CLUH: variants seen among roughly 807,000 people sequenced by gnomAD.
The protein encoded by CLUH is CLUH binding protein of NUMT mRNA.
CLUH carries 77 observed loss-of-function variants against 139.3 expected under a neutral mutation model. The observed-to-expected ratio is 0.55, with a 90% CI of 0.46 to 0.67. CLUH has a LOEUF of 0.67. Ranked by LOEUF, CLUH falls within the 30% of genes least tolerant of loss-of-function variation. CLUH has a pLI of 0.00. For synonymous variants in CLUH, 999 were observed against 801.6 expected (o/e 1.25, Z -4.16); for missense variants, 1,876 against 1,875.8 (o/e 1.00, Z 0.00).
chr17:2,700,987 C>A, intron 7 of CLUH, 153 bp downstream of exon 7: 2 of 1,456,328 alleles, frequency 1.4e-6, no homozygotes, highest in East Asian at 2.4e-5. Context: ...CGGCTGCTGT[C>A]TCGGCACTGG....
At chr17:2,710,735 CCA>C (rs1263593462) in intron 1 of CLUH, among the ~76,000 whole-genome samples, 2 of 152,126 alleles carry the variant, frequency 1.3e-5, no homozygotes, top group Non-Finnish European at 2.9e-5. Flanking sequence ...GCAGCCACTG[CCA>C]CAGTCACCAC....
rs1187721157 is a variant in CLUH, at chr17:2,691,959, A to ACGCCCCCGCCCCGCCCC, written c.3654+28_3654+44dup. Reference sequence around the variant, plus strand: ...CCCGCGGCCCCGCCCCCGCCCCGCCACGCCCCCGCCCCGCCCCCGCCCCCG... The same window carrying ACGCCCCCGCCCCGCCCC: ...CCCGCGGCCCCGCCCCCGCCCCGCCACGCCCCCGCCCCGCCCCCGCCCCCGCCCCGCCCCCGCCCCCG... On this transcript the variant is annotated intron_variant, in intron 23 of 25. Coordinates refer to ENST00000651024, the MANE Select transcript of CLUH (RefSeq NM_001366661.1). 3.1e-4 allele frequency: 118 copies of ACGCCCCCGCCCCGCCCC among 380,158 alleles called. 1 individual carries two copies. In the African/African-American group the frequency reaches 6.1e-3, roughly 20 times the overall value. The allele number at this position is 380,158 out of a possible 1,614,324, so 23.5% of individuals were successfully genotyped here.
At position 2,691,698 on chromosome 17, in the gene CLUH, A is replaced by G; in HGVS notation, c.3790-16T>C. On this transcript the variant is annotated splice_polypyrimidine_tract_variant and intron_variant, in intron 24 of 25. Coordinates refer to ENST00000651024, the MANE Select transcript of CLUH (RefSeq NM_001366661.1). ...GGGCCGTGAACTGCGGGGCGGGGAA[A>G]CCAGCGGTGAGCGGGGCTCCCGCGC... The G allele has an allele frequency of 5.0e-6, 8 of 1,610,606 alleles. No homozygotes were observed. The highest frequency in any genetic ancestry group is 6.8e-6 in the Non-Finnish European group (8 of 1,178,534).
chr17:2,697,419 C>T lies in CLUH; in HGVS notation c.1961+477G>A, dbSNP rs565751103. On this transcript the variant is annotated intron_variant, in intron 10 of 25. Coordinates refer to ENST00000651024, the MANE Select transcript of CLUH (RefSeq NM_001366661.1). ...CGTCTCAGAAAAAAAAAAAAAAAGG[C>T]AGCTGCGTTCTGGAGGGTATGGGAA... Among the ~76,000 whole-genome samples the T allele has an allele frequency of 2.9e-3, 427 of 146,492 alleles. 4 individuals carry two copies. The highest frequency in any genetic ancestry group is 6.6e-3 in the South Asian group (31 of 4,732).
At chr17:2,697,315 C>T (rs1428909398) in intron 10 of CLUH, among the ~76,000 whole-genome samples, 1 of 151,690 alleles carries the variant, frequency 6.6e-6, no homozygotes, top group Non-Finnish European at 1.5e-5. Context: ...AGGAGAATCA[C>T]TTGAACCCGG....
rs374750194 is a variant in CLUH at position 2,700,810 on chromosome 17, C to T, written c.1041G>A (p.Pro347=). 74 of 1,526,166 alleles carry T rather than the reference C, an allele frequency of 4.8e-5. 1 individual carries two copies. The highest frequency in any genetic ancestry group is 3.4e-4 in the East Asian group (15 of 44,244). The allele number at this position is 1,526,166 out of a possible 1,614,324, so 94.5% of individuals were successfully genotyped here. ...GGAATGGGGTGGCGATCCTCTCGAA[C>T]GGGTGGCGCTGGACCCTGTGGCAGG... is the stretch of plus-strand genomic sequence containing the variant. ...VLQKKRVQRH[P]FERIATPFQV... is the part of the protein sequence containing the mutation. The change falls in exon 8 of 26, where the codon CCG becomes CCA. Residue 347 remains proline (P), a synonymous_variant. Transcript: ENST00000651024.
chr17:2,709,947 A>C (rs2070462645), intron 1 of CLUH, among the ~76,000 whole-genome samples: 2 of 145,246 alleles, frequency 1.4e-5, no homozygotes, highest in African/African-American at 2.5e-5. Flanking sequence ...GACTCAGTTT[A>C]CCCCCGACAG....
chr17:2,707,959 A>G lies in CLUH; in HGVS notation c.101-3395T>C, dbSNP rs908165769. ...TGCCCCTGGCCTCCAGGCTCCATCA[A>G]GAAGCTGGCAGGCTCCATCTTCCCT... On this transcript the variant is annotated intron_variant, in intron 1 of 25. Transcript: ENST00000651024. This position sits in a 1 kb window ranked among gnomAD's most constrained non-coding sequence, Gnocchi z 7.4. The G allele has an allele frequency of 1.5e-4, 146 of 985,298 alleles. No individual in the cohort carries two copies. Among genetic ancestry groups the G allele is most frequent in the Non-Finnish European group, 1.7e-4 (141 of 829,914 alleles). 61.0% of individuals were successfully genotyped at this position (985,298 alleles called of 1,614,324 possible). A position where few individuals can be genotyped will look rare whatever the true frequency, so the allele number is the denominator to read the frequency against.
In CLUH at chr17:2,691,990, C is replaced by CCCCCG; in HGVS notation, c.3654+9_3654+13dup. On this transcript the variant is annotated intron_variant, in intron 23 of 25. Coordinates refer to ENST00000651024, the MANE Select transcript of CLUH (RefSeq NM_001366661.1). Reference sequence around the variant, plus strand: ...CCGCCCCGCCCCCGCCCCCGCCACGCCCCCGCCGCGCACCTGCGTCTTGTA... The same window carrying CCCCCG: ...CCGCCCCGCCCCCGCCCCCGCCACGCCCCCGCCCCGCCGCGCACCTGCGTCTTGTA... The CCCCCG allele has an allele frequency of 1.5e-6, 2 of 1,353,830 alleles. No individual in the cohort carries two copies. The highest frequency in any genetic ancestry group is 1.9e-6 in the Non-Finnish European group (2 of 1,031,506). The allele number at this position is 1,353,830 out of a possible 1,614,324, so 83.9% of individuals were successfully genotyped here.
chr17:2,697,800 C>G (rs951091499), intron 10 of CLUH, 96 bp downstream of exon 10: 22 of 1,156,994 alleles, frequency 1.9e-5, no homozygotes, highest in Non-Finnish European at 3.5e-6. Context: ...CACTCTCCAG[C>G]GCTTCTCCCT....
In CLUH at chr17:2,707,091, C is replaced by A; in HGVS notation, c.101-2527G>T. 1 of 834,292 alleles carries A rather than the reference C, an allele frequency of 1.2e-6. No homozygotes were observed. Among genetic ancestry groups the A allele is most frequent in the African/African-American group, 1.8e-5 (1 of 54,438 alleles). The allele number at this position is 834,292 out of a possible 1,614,324, so 51.7% of individuals were successfully genotyped here. ...CCCTAATCCTTCCTCCTAGGAACCC[C>A]GAAGGTCTCCCCACCCCTGGATGAA... is the stretch of plus-strand genomic sequence containing the variant. On this transcript the variant is annotated intron_variant, in intron 1 of 25. Transcript: ENST00000651024. The surrounding 1 kb of genome is among the most constrained non-coding windows in gnomAD (Gnocchi z 7.4).
At position 2,701,436 on chromosome 17, in the gene CLUH, G is replaced by C; in HGVS notation, c.829C>G (p.Leu277Val). The change falls in exon 6 of 26, where the codon CTG becomes GTG. Residue 277 changes from leucine to valine, a missense_variant. This residue lies in a region of CLUH where 270 missense variants were observed against 354.7 expected (regional missense o/e 0.76). Transcript: ENST00000651024. ...CGGTCCTCGGCTGTGATCACAAACA[G>C]GTACATGAGGTCCCCGTGCATCTTC... ...NRKMHGDLMYLFVITAEDRQV... is the reference protein window; with the variant it reads ...NRKMHGDLMYVFVITAEDRQV... The C allele has an allele frequency of 1.2e-6, 2 of 1,613,342 alleles. No homozygotes were observed. Among genetic ancestry groups the C allele is most frequent in the Non-Finnish European group, 1.7e-6 (2 of 1,179,672 alleles).
rs530926792 is a variant in CLUH, at chr17:2,706,262, G to A, written c.101-1698C>T. 6.6e-6 allele frequency among the ~76,000 whole-genome samples: 1 copy of A among 152,240 alleles called. No homozygotes were observed. Among genetic ancestry groups the A allele is most frequent in the African/African-American group, 2.4e-5 (1 of 41,542 alleles). ...GCAGAGACCGGGGGGCCTGGAGAGA[G>A]TCGCTCCCTTTCCCTGGATCCCCAC... On this transcript the variant is annotated intron_variant, in intron 1 of 25. Transcript: ENST00000651024. The surrounding 1 kb of genome is among the most constrained non-coding windows in gnomAD (Gnocchi z 4.6).
intron 19 of CLUH, 110 bp from the exon 20 acceptor site, chr17:2,692,970 C>A: frequency 9.1e-7 from 1 of 1,103,884 alleles, no homozygotes; most frequent in East Asian, 2.6e-5. Flanking sequence ...CTCCTGTCCC[C>A]TCCGGCTGCG....
At position 2,707,056 on chromosome 17, in the gene CLUH, G is replaced by T; in HGVS notation, c.101-2492C>A. On this transcript the variant is annotated intron_variant, in intron 1 of 25. Coordinates refer to ENST00000651024, the MANE Select transcript of CLUH (RefSeq NM_001366661.1). The surrounding 1 kb of genome is among the most constrained non-coding windows in gnomAD (Gnocchi z 7.4). ...CAAGGGGCCTCCTCTCCCCAGGACA[G>T]CATGTTTTACCCTAATCCTTCCTCC... 1 of 489,808 alleles carries T rather than the reference G, an allele frequency of 2.0e-6. No homozygotes were observed. Among genetic ancestry groups the T allele is most frequent in the Non-Finnish European group, 2.7e-6 (1 of 376,764 alleles). 30.3% of individuals were successfully genotyped at this position (489,808 alleles called of 1,614,324 possible). A position where few individuals can be genotyped will look rare whatever the true frequency, so the allele number is the denominator to read the frequency against.
rs778236089 is a variant in CLUH, at chr17:2,698,609, G to T, written c.1267-19C>A. ...TGTGCACCTGGCGGGGGTCGAGGAG[G>T]GCAGGGTTAGAGGCCGCGCCCACAA... On this transcript the variant is annotated intron_variant, in intron 9 of 25. Coordinates refer to ENST00000651024, the MANE Select transcript of CLUH (RefSeq NM_001366661.1). The T allele has an allele frequency of 6.4e-7, 1 of 1,565,230 alleles. No homozygotes were observed. Among genetic ancestry groups the T allele is most frequent in the Non-Finnish European group, 8.7e-7 (1 of 1,154,384 alleles).
chr17:2,698,110 G>C lies in CLUH; in HGVS notation c.1747C>G (p.Leu583Val), dbSNP rs1386976308. 3 of 1,601,336 alleles carry C rather than the reference G, an allele frequency of 1.9e-6. No individual in the cohort carries two copies. The highest frequency in any genetic ancestry group is 1.7e-6 in the Non-Finnish European group (2 of 1,175,488). ...VLNDRDEEVELCSSVECKGII... is the reference protein window; with the variant it reads ...VLNDRDEEVEVCSSVECKGII... ...CCCTTGCACTCGACCGAGGAGCAGA[G>C]CTCCACCTCCTCGTCACGGTCGTTG... Residue 583 changes from leucine to valine, a missense_variant, in exon 10 of 26, where the codon CTC (leucine) becomes GTC (valine). By Grantham distance (32) the Leu-to-Val change is conservative. Around this residue, in one of 3 missense-constraint regions of CLUH, gnomAD observed 1,454 missense variants for 1,384.4 expected, o/e 1.05. Coordinates refer to ENST00000651024, the MANE Select transcript of CLUH (RefSeq NM_001366661.1).
intron 1 of CLUH, among the ~76,000 whole-genome samples, chr17:2,710,468 A>G (rs2286512): frequency 0.57 from 87,380 of 152,070 alleles, 25,539 homozygotes; most frequent in Admixed American, 0.64. Flanking sequence ...CACTGAAGCT[A>G]GGAAGGGAGA....
intron 19 of CLUH, among the ~76,000 whole-genome samples, chr17:2,693,446 AAC>A (rs961701692): frequency 6.6e-6 from 1 of 152,072 alleles, no homozygotes; most frequent in Non-Finnish European, 1.5e-5. Context: ...CAGAAGAAAA[AAC>A]AGTCCCTTTG....
Sources: gnomAD v4.1 joint callset for allele counts (sites outside exome capture counted in the v4.1 genomes callset) on GRCh38, gnomAD v4.1.1 for gene constraint, gnomAD v4.1.1 regional missense constraint, Gnocchi (gnomAD v3.1) non-coding constraint, MANE v1.5 for transcripts, NCBI Gene and HGNC (gene_info 2026-07-23, HGNC 2026-07-21) for gene names.